The following ADCY1 variants were observed in gnomAD, a reference collection of about 807,000 sequenced individuals.
ADCY1 encodes adenylate cyclase type 1.
ADCY1 carries 28 observed loss-of-function variants against 105.4 expected under a neutral mutation model. The ratio of observed to expected loss-of-function variants is 0.27; its 90% confidence interval spans 0.20 to 0.36. The LOEUF (loss-of-function observed/expected upper bound fraction) is 0.36. Ranked by LOEUF, ADCY1 falls within the 10% of genes least tolerant of loss-of-function variation. ADCY1 has a pLI of 1.00. For synonymous variants in ADCY1, 655 were observed against 623.8 expected, an observed-to-expected ratio of 1.05 and a Z score of -0.75; for missense variants, 977 against 1,434.2, an observed-to-expected ratio of 0.68 and a Z score of 5.15.
chr7:45,633,376 A>G (rs768836714), intron 4 of ADCY1, among the ~76,000 whole-genome samples: 2 of 152,230 alleles, frequency 1.3e-5, no homozygotes, highest in African/African-American at 2.4e-5. Context: ...GATTTGTGAT[A>G]GTTTGGAAAA....
chr7:45,635,606 T>TTTG lies in ADCY1; in HGVS notation c.1020+12865_1020+12866insGTT, dbSNP rs1380703808. 2.6e-4 allele frequency among the ~76,000 whole-genome samples: 35 copies of TTTG among 133,224 alleles called. No individual in the cohort carries two copies. In the South Asian group the frequency reaches 3.5e-3, roughly 13 times the overall value. The allele number at this position is 133,224 out of a possible 152,430, so 87.4% of individuals were successfully genotyped here. On this transcript the variant is annotated intron_variant, in intron 4 of 19. Transcript: ENST00000297323. The stretch of plus-strand genomic sequence containing the variant: ...AATACTTTCTAATTTCTCTTGTTTT[T>TTTG]TTTTTTTTTTTTTTTTTTTTTTTCC...
intron 1 of ADCY1, among the ~76,000 whole-genome samples, chr7:45,578,019 G>A (rs1792399955): frequency 6.6e-6 from 1 of 152,206 alleles, no homozygotes; most frequent in Non-Finnish European, 1.5e-5. Flanking sequence ...GGCTCTCAGG[G>A]TTCCCTGCAG....
intron 14 of ADCY1, among the ~76,000 whole-genome samples, chr7:45,693,181 A>G (rs143464192): frequency 0.017 from 2,645 of 152,270 alleles, 38 homozygotes; most frequent in Middle Eastern, 0.044. Flanking sequence ...CCAGGGATGA[A>G]GCCCACTTGA....
At chr7:45,670,600 G>T in intron 8 of ADCY1, among the ~76,000 whole-genome samples, 1 of 152,048 alleles carries the variant, frequency 6.6e-6, no homozygotes, top group East Asian at 1.9e-4. Context: ...TCCGTGACCT[G>T]AGAGTGGACC....
At chr7:45,712,780 C>T (rs894998205) in intron 19 of ADCY1, among the ~76,000 whole-genome samples, 26 of 152,174 alleles carry the variant, frequency 1.7e-4, no homozygotes, top group African/African-American at 6.3e-4. Context: ...CGCAGAGATA[C>T]CAGTCATGTC....
intron 4 of ADCY1, among the ~76,000 whole-genome samples, chr7:45,634,659 G>A (rs1035286950): frequency 6.6e-6 from 1 of 152,076 alleles, no homozygotes; most frequent in African/African-American, 2.4e-5. Flanking sequence ...AAGATGATGG[G>A]AAAATGATAC....
intron 2 of ADCY1, among the ~76,000 whole-genome samples, chr7:45,601,802 C>T (rs1307661851): frequency 6.6e-6 from 1 of 152,044 alleles, no homozygotes; most frequent in African/African-American, 2.4e-5. Flanking sequence ...TGGAGATGGC[C>T]CTCACCTTCC....
At chr7:45,693,972 G>A (rs1196261563) in intron 14 of ADCY1, among the ~76,000 whole-genome samples, 3 of 105,920 alleles carry the variant, frequency 2.8e-5, no homozygotes, top group Non-Finnish European at 5.7e-5. Flanking sequence ...TGGTGGGGTC[G>A]GGGGAGGGGG....
At chr7:45,633,806 A>AAAAAAAAAAAAAAAAAAAAAAT (rs1794326130) in intron 4 of ADCY1, among the ~76,000 whole-genome samples, 1 of 151,840 alleles carries the variant, frequency 6.6e-6, no homozygotes, top group African/African-American at 2.4e-5. Flanking sequence ...ATCGCAAAAA[A>AAAAAAAAAAAAAAAAAAAAAAT]AAAAAAAAAA....
intron 17 of ADCY1, among the ~76,000 whole-genome samples, chr7:45,707,789 C>T (rs1036874056): frequency 3.3e-5 from 5 of 152,168 alleles, no homozygotes; most frequent in African/African-American, 7.2e-5. Flanking sequence ...ATAATCTGCT[C>T]AACTTACCTA....
At position 45,608,739 on chromosome 7, in the gene ADCY1, A is replaced by G. The variant is rs184147981; in HGVS notation, c.790-1640A>G. Among the ~76,000 whole-genome samples, 7 of 152,028 alleles carry G rather than the reference A, an allele frequency of 4.6e-5. No individual in the cohort carries two copies. In the East Asian group the frequency reaches 7.7e-4, roughly 17 times the overall value. Reference sequence around the variant, plus strand: ...GGAGTTCAGTATCCTGCATTTTTCAATTCCTCAGAAAGTGGGTGCCAAGGT... The same window carrying G: ...GGAGTTCAGTATCCTGCATTTTTCAGTTCCTCAGAAAGTGGGTGCCAAGGT... On this transcript the variant is annotated intron_variant, in intron 2 of 19. Coordinates refer to ENST00000297323, the MANE Select transcript of ADCY1 (RefSeq NM_021116.4).
intron 3 of ADCY1, among the ~76,000 whole-genome samples, chr7:45,610,818 A>AGGAGGTGATGG (rs1793540261): frequency 5.7e-5 from 6 of 104,590 alleles, no homozygotes; most frequent in Non-Finnish European, 7.8e-5. Context: ...TGGTGGAGGT[A>AGGAGGTGATGG]TGGAGGTGAT....
At chr7:45,636,172 T>C (rs1009491512) in intron 4 of ADCY1, among the ~76,000 whole-genome samples, 1 of 152,218 alleles carries the variant, frequency 6.6e-6, no homozygotes, top group African/African-American at 2.4e-5. Flanking sequence ...AAAGAATAGT[T>C]GTCACTCAAT....
chr7:45,589,215 C>T (rs1211004214), intron 1 of ADCY1, among the ~76,000 whole-genome samples: 1 of 152,138 alleles, frequency 6.6e-6, no homozygotes, highest in Non-Finnish European at 1.5e-5. Context: ...AGAGGGTGTC[C>T]ATACTGGGAG....
In ADCY1 at chr7:45,575,566, A is replaced by G. The variant is rs994550337; in HGVS notation, c.639+384A>G. ...AAGTGGGCGAGGAGAGCAGACCCCCAGGGCAAGCTCCAAGGCCGGCTCTGC... is the reference window on the plus strand; with the variant it reads ...AAGTGGGCGAGGAGAGCAGACCCCCGGGGCAAGCTCCAAGGCCGGCTCTGC... On this transcript the variant is annotated intron_variant, in intron 1 of 19. Transcript: ENST00000297323. The surrounding 1 kb of genome is among the most constrained non-coding windows in gnomAD (Gnocchi z 4.7). Among the ~76,000 whole-genome samples, 1 of 152,256 alleles carries G rather than the reference A, an allele frequency of 6.6e-6. No homozygotes were observed. The highest frequency in any genetic ancestry group is 2.4e-5 in the African/African-American group (1 of 41,478).
chr7:45,588,654 C>T (rs563904350), intron 1 of ADCY1, among the ~76,000 whole-genome samples: 5 of 152,040 alleles, frequency 3.3e-5, no homozygotes, highest in South Asian at 2.1e-4. Flanking sequence ...CCAGGGCCTG[C>T]GGACAGGTCC....
At chr7:45,613,819 A>G (rs558842105) in intron 3 of ADCY1, among the ~76,000 whole-genome samples, 1 of 152,330 alleles carries the variant, frequency 6.6e-6, no homozygotes, top group South Asian at 2.1e-4. Context: ...AGGATAATGG[A>G]TTTTCCAGCA....
chr7:45,594,590 T>G (rs1014743482), intron 2 of ADCY1, among the ~76,000 whole-genome samples: 12 of 152,206 alleles, frequency 7.9e-5, no homozygotes. Context: ...ATTTATTTTC[T>G]GACACTTGCT....
At position 45,657,977 on chromosome 7, in the gene ADCY1, C is replaced by T. The variant is rs1794987486; in HGVS notation, c.1307+92C>T. On this transcript the variant is annotated intron_variant, in intron 6 of 19. Coordinates refer to ENST00000297323, the MANE Select transcript of ADCY1 (RefSeq NM_021116.4). Reference sequence around the variant, plus strand: ...CTTGCTTCAGGTTCTGGGCTGTGCTCTTGAGGGCACTTGTGTGAGTGCTCC... The same window carrying T: ...CTTGCTTCAGGTTCTGGGCTGTGCTTTTGAGGGCACTTGTGTGAGTGCTCC... The T allele has an allele frequency of 1.1e-5, 15 of 1,377,754 alleles. No individual in the cohort carries two copies. The South Asian group carries it at 1.5e-4, about 14-fold the overall frequency. The allele number at this position is 1,377,754 out of a possible 1,614,324, so 85.3% of individuals were successfully genotyped here. A position where few individuals can be genotyped will look rare whatever the true frequency, so the allele number is the denominator to read the frequency against.
Sources: allele counts gnomAD v4.1 joint callset (sites outside exome capture counted in the v4.1 genomes callset), GRCh38; gene constraint gnomAD v4.1.1; non-coding constraint Gnocchi (gnomAD v3.1); transcripts MANE v1.5; gene names NCBI Gene and HGNC (gene_info 2026-07-23, HGNC 2026-07-21).